ZNF497: variants seen among roughly 807,000 people sequenced by gnomAD.
ZNF497 encodes zinc finger protein 497, also known as zinc finger-like protein.
For missense variants in ZNF497, 930 were observed against 714.0 expected (o/e 1.30, Z -3.45); for synonymous variants, 422 against 313.7 (o/e 1.35, Z -3.65).
rs779752543 is a variant in ZNF497 at position 58,357,407 on chromosome 19, C to T, written c.229G>A (p.Ala77Thr). The T allele has an allele frequency of 4.4e-6, 7 of 1,598,302 alleles. No homozygotes were observed. Among genetic ancestry groups the T allele is most frequent in the Non-Finnish European group, 4.3e-6 (5 of 1,173,628 alleles). ...QGGPGRELGP[A>T]DGGRDGAGPR... ...CCAGCCCCGTCCCGCCCACCGTCTG[C>T]GGGGCCCAGCTCCCTGCCGGGGCCT... Residue 77 changes from alanine (A) to threonine (T), a missense_variant, in exon 3 of 3, where the codon GCA becomes ACA. Physicochemically the swap from Ala to Thr is moderately conservative, Grantham distance 58. Coordinates refer to ENST00000311044, the MANE Select transcript of ZNF497 (RefSeq NM_198458.3).
At chr19:58,358,696 G>A (rs2052056421) in intron 1 of ZNF497, 111 bp from the exon 2 acceptor site, 1 of 500,370 alleles carries the variant, frequency 2.0e-6, no homozygotes, top group Non-Finnish European at 3.6e-6. Context: ...TCAGTTCTCA[G>A]GACACAATGC....
chr19:58,356,832 G>T lies in ZNF497; in HGVS notation c.804C>A (p.His268Gln). Residue 268 changes from histidine (H) to glutamine (Q), a missense_variant, in exon 3 of 3, where the codon CAC becomes CAA. His to Gln is a conservative substitution (Grantham distance 24). Transcript: ENST00000311044. ...GACAGGCGTGTGGCCGTGCGCCCGC[G>T]TGGATCTTCAGGTGCTCGGCCAGGT... Reference protein sequence around the residue: ...SSNLAEHLKIHAGARPHACPD... With the variant: ...SSNLAEHLKIQAGARPHACPD... The T allele has an allele frequency of 6.3e-7, 1 of 1,576,100 alleles. No homozygotes were observed. Among genetic ancestry groups the T allele is most frequent in the Non-Finnish European group, 8.6e-7 (1 of 1,166,532 alleles).
chr19:58,360,943 G>A (rs945342066), intron 1 of ZNF497, among the ~76,000 whole-genome samples: 4 of 151,666 alleles, frequency 2.6e-5, no homozygotes, highest in Non-Finnish European at 5.9e-5. Context: ...CACCATGCCC[G>A]GCTAATTTTT....
chr19:58,355,883 C>T lies in ZNF497; in HGVS notation c.*256G>A, dbSNP rs1445777205. ...CACCTCTGCATGGACGAACCTCTCG[C>T]CGAAGTGGAGCCTGCCGCCCTCCCT... On this transcript the variant is annotated 3_prime_UTR_variant, in exon 3 of 3. Coordinates refer to ENST00000311044, the MANE Select transcript of ZNF497 (RefSeq NM_198458.3). 4.3e-6 allele frequency: 2 copies of T among 465,886 alleles called. No homozygotes were observed. The highest frequency in any genetic ancestry group is 2.1e-5 in the African/African-American group (1 of 48,546). 28.9% of individuals were successfully genotyped at this position (465,886 alleles called of 1,614,324 possible). A position where few individuals can be genotyped will look rare whatever the true frequency, so the allele number is the denominator to read the frequency against.
chr19:58,357,804 G>C, intron 2 of ZNF497, 155 bp from the exon 3 acceptor site: 5 of 1,200,226 alleles, frequency 4.2e-6, no homozygotes, highest in Non-Finnish European at 4.4e-6. Context: ...GGAGCAGGAA[G>C]GCCAGCAGGC....
chr19:58,355,973 G>C lies in ZNF497; in HGVS notation c.*166C>G. 3 of 744,520 alleles carry C rather than the reference G, an allele frequency of 4.0e-6. No homozygotes were observed. In the South Asian group the frequency reaches 6.2e-5, roughly 15 times the overall value. 46.1% of individuals were successfully genotyped at this position (744,520 alleles called of 1,614,324 possible). ...GGTGGCCGGTGGACTATCGTCAAAGGGACTGTGCAGCCAGGGTTCTCCACA... is the reference window on the plus strand; with the variant it reads ...GGTGGCCGGTGGACTATCGTCAAAGCGACTGTGCAGCCAGGGTTCTCCACA... On this transcript the variant is annotated 3_prime_UTR_variant, in exon 3 of 3. Transcript: ENST00000311044.
rs1283688070 is a variant in ZNF497, at chr19:58,355,854, T to C, written c.*285A>G. 3.2e-4 allele frequency: 129 copies of C among 398,340 alleles called. No individual in the cohort carries two copies. The highest frequency in any genetic ancestry group is 2.2e-5 in the Non-Finnish European group (5 of 223,792). The allele number at this position is 398,340 out of a possible 1,614,324, so 24.7% of individuals were successfully genotyped here. On this transcript the variant is annotated 3_prime_UTR_variant, in exon 3 of 3. Coordinates refer to ENST00000311044, the MANE Select transcript of ZNF497 (RefSeq NM_198458.3). The stretch of plus-strand genomic sequence containing the variant: ...CACACCTGTCGGAGACCCCAGTTCT[T>C]GCCCACCTCTGCATGGACGAACCTC...
At chr19:58,358,640 G>GGAC (rs397801134) in intron 1 of ZNF497, 55 bp from the exon 2 acceptor site, 29 of 960,204 alleles carry the variant, frequency 3.0e-5, no homozygotes, top group Non-Finnish European at 3.9e-5. Context: ...GCAGATCTGA[G>GGAC]AAAACAAGGG....
chr19:58,358,640 G>C (rs1301584162), intron 1 of ZNF497, 55 bp from the exon 2 acceptor site: 4 of 960,204 alleles, frequency 4.2e-6, no homozygotes, highest in African/African-American at 1.7e-5. Flanking sequence ...GCAGATCTGA[G>C]AAAACAAGGG....
Position 58,358,548 on chromosome 19 carries a change from C to T in ZNF497, c.-74G>A, listed in dbSNP as rs2052054389. The T allele has an allele frequency of 2.5e-6, 3 of 1,188,906 alleles. No individual in the cohort carries two copies. Among genetic ancestry groups the T allele is most frequent in the African/African-American group, 1.6e-5 (1 of 62,438 alleles). The allele number at this position is 1,188,906 out of a possible 1,614,324, so 73.6% of individuals were successfully genotyped here. On this transcript the variant is annotated 5_prime_UTR_variant, in exon 2 of 3. Coordinates refer to ENST00000311044, the MANE Select transcript of ZNF497 (RefSeq NM_198458.3). ...CTCTTGCTCCTCTCCCTCCTCTGTC[C>T]TGGGGACCAGCTCCTCTTGGGGCCT...
At position 58,357,186 on chromosome 19, in the gene ZNF497, G is replaced by C; in HGVS notation, c.450C>G (p.Ser150Arg). 1.9e-6 allele frequency: 3 copies of C among 1,611,564 alleles called. No homozygotes were observed. Among genetic ancestry groups the C allele is most frequent in the Non-Finnish European group, 2.5e-6 (3 of 1,179,334 alleles). ...CGCCGCTGTGGATGCGCTGGTGCTG[G>C]CTGAGGTTGGAGCTCCAGGCGAAGG... ...GKAFAWSSNL[S>R]QHQRIHSGEK... The change falls in exon 3 of 3, where the codon AGC becomes AGG. Residue 150 changes from serine (S) to arginine (R), a missense_variant. Coordinates refer to ENST00000311044, the MANE Select transcript of ZNF497 (RefSeq NM_198458.3).
intron 2 of ZNF497, chr19:58,357,966 C>G: frequency 1.5e-6 from 2 of 1,303,930 alleles, no homozygotes; most frequent in Non-Finnish European, 2.0e-6. Context: ...ACTGGCCCTA[C>G]TGTGGCACCA....
At chr19:58,357,794 G>T in intron 2 of ZNF497, 145 bp from the exon 3 acceptor site, 1 of 1,198,728 alleles carries the variant, frequency 8.3e-7, no homozygotes, top group Non-Finnish European at 1.1e-6. Context: ...TCTGGAGCCT[G>T]GAGCAGGAAG....
chr19:58,360,144 C>G (rs914541395), intron 1 of ZNF497, among the ~76,000 whole-genome samples: 1 of 152,086 alleles, frequency 6.6e-6, no homozygotes, highest in Non-Finnish European at 1.5e-5. Flanking sequence ...GAAAGTAGAT[C>G]AGCGGTTGCC....
intron 1 of ZNF497, chr19:58,359,626 C>T (rs1458147613): frequency 2.8e-6 from 1 of 360,396 alleles, no homozygotes; most frequent in African/African-American, 2.1e-5. Flanking sequence ...AACAGGACAC[C>T]CAGAGTCAGA....
At chr19:58,359,259 C>T in intron 1 of ZNF497, 2 of 1,290,278 alleles carry the variant, frequency 1.6e-6, no homozygotes, top group Non-Finnish European at 2.0e-6. Flanking sequence ...CTCATCTGGG[C>T]AGCCATCCTG....
rs921744253 is a variant in ZNF497 at position 58,362,183 on chromosome 19, C to A, written c.-112+494G>T. Among the ~76,000 whole-genome samples, 3 of 152,220 alleles carry A rather than the reference C, an allele frequency of 2.0e-5. 1 individual carries two copies. The highest frequency in any genetic ancestry group is 4.4e-5 in the Non-Finnish European group (3 of 68,048). ...CGGGTACTTGTGTCTCCCCCACAACCCCCAAGGCCTAGGCTGGACAAACAA... is the reference window on the plus strand; with the variant it reads ...CGGGTACTTGTGTCTCCCCCACAACACCCAAGGCCTAGGCTGGACAAACAA... On this transcript the variant is annotated intron_variant, in intron 1 of 2. Coordinates refer to ENST00000311044, the MANE Select transcript of ZNF497 (RefSeq NM_198458.3).
chr19:58,357,004 G>C lies in ZNF497; in HGVS notation c.632C>G (p.Thr211Arg). ...CTCGTAGGGCTTCTCGCCCGTGTGCGTGCGTCGGTGCTGCACCAGCGTGGT... is the reference window on the plus strand; with the variant it reads ...CTCGTAGGGCTTCTCGCCCGTGTGCCTGCGTCGGTGCTGCACCAGCGTGGT... ...RSTTLVQHRR[T>R]HTGEKPYECP... Residue 211 changes from threonine to arginine, a missense_variant, in exon 3 of 3, where the codon ACG becomes AGG. Coordinates refer to ENST00000311044, the MANE Select transcript of ZNF497 (RefSeq NM_198458.3). 6.2e-7 allele frequency: 1 copy of C among 1,607,556 alleles called. No homozygotes were observed.
In ZNF497 at chr19:58,356,309, C is replaced by T. The variant is rs1479848378; in HGVS notation, c.1327G>A (p.Val443Ile). ...AAGGCCTTGCTGCAGTGGGCGCAGACGAACGGCCTCTCGCCAGAGTGCAGG... is the reference window on the plus strand; with the variant it reads ...AAGGCCTTGCTGCAGTGGGCGCAGATGAACGGCCTCTCGCCAGAGTGCAGG... Reference protein sequence around the residue: ...QRLHSGERPFVCAHCSKAFVR... With the variant: ...QRLHSGERPFICAHCSKAFVR... Residue 443 changes from valine (V) to isoleucine (I), a missense_variant, in exon 3 of 3, where the codon GTC (valine) becomes ATC (isoleucine). By Grantham distance (29) the Val-to-Ile change is conservative (BLOSUM62 3). Transcript: ENST00000311044. 1.3e-6 allele frequency: 2 copies of T among 1,582,452 alleles called. No individual in the cohort carries two copies. The highest frequency in any genetic ancestry group is 1.7e-6 in the Non-Finnish European group (2 of 1,165,998).
Sources: gnomAD v4.1 joint callset for allele counts (sites outside exome capture counted in the v4.1 genomes callset) on GRCh38, gnomAD v4.1.1 for gene constraint, MANE v1.5 for transcripts, NCBI Gene and HGNC (gene_info 2026-07-23, HGNC 2026-07-21) for gene names.